Variants in SLC9B1 observed in about 807,000 individuals in gnomAD.
The protein encoded by SLC9B1 is sodium/hydrogen exchanger 9B1.
A neutral mutation model predicts 51.7 loss-of-function variants in SLC9B1; 32 were observed. That is an observed-to-expected ratio of 0.62 (90% CI 0.47 to 0.83). The LOEUF (loss-of-function observed/expected upper bound fraction) is 0.83. SLC9B1 is among the 40% of genes least tolerant of loss of function. The pLI is 0.00. For missense variants in SLC9B1, 406 were observed against 613.2 expected, an observed-to-expected ratio of 0.66 and a Z score of 3.57; for synonymous variants, 145 against 212.7, an observed-to-expected ratio of 0.68 and a Z score of 2.77.
At chr4:102,893,297 A>AAAG (rs1734359155) in intron 11 of SLC9B1, among the ~76,000 whole-genome samples, 1 of 148,214 alleles carries the variant, frequency 6.7e-6, no homozygotes, top group South Asian at 2.1e-4. Flanking sequence ...AAAAAAAAAA[A>AAAG]AAAAAAAAGA....
At chr4:102,962,744 G>A in intron 3 of SLC9B1, 1 of 472,332 alleles carries the variant, frequency 2.1e-6, no homozygotes, top group African/African-American at 2.0e-5. Context: ...GCAGTCACTG[G>A]AGACCACAAA....
intron 3 of SLC9B1, among the ~76,000 whole-genome samples, chr4:102,969,046 T>C (rs1464322876): frequency 6.6e-6 from 1 of 152,192 alleles, no homozygotes; most frequent in African/African-American, 2.4e-5. Context: ...TCGAACTGGG[T>C]GGAGCTCACT....
chr4:102,935,870 T>TGCAA (rs1383236733), intron 6 of SLC9B1, among the ~76,000 whole-genome samples: 1 of 152,200 alleles, frequency 6.6e-6, no homozygotes, highest in Admixed American at 6.5e-5. Context: ...GGCTGACCCA[T>TGCAA]GCAAGTATGC....
At chr4:102,941,440 G>T in intron 6 of SLC9B1, 1 of 454,864 alleles carries the variant, frequency 2.2e-6, no homozygotes. Context: ...AAACTGCAGT[G>T]AGATACAACC....
intron 1 of SLC9B1, among the ~76,000 whole-genome samples, chr4:102,995,297 C>T (rs1383733): frequency 0.54 from 82,655 of 151,966 alleles, 23,008 homozygotes; most frequent in African/African-American, 0.67. Flanking sequence ...ATTTTCAGTA[C>T]TGCAGAAAAT....
At chr4:102,972,001 A>G (rs768882710) in intron 3 of SLC9B1, among the ~76,000 whole-genome samples, 1 of 152,182 alleles carries the variant, frequency 6.6e-6, no homozygotes, top group African/African-American at 2.4e-5. Flanking sequence ...ATAATTAATT[A>G]GCCTACCAAC....
At chr4:102,898,569 G>C (rs1734645683), downstream of SLC9B1, among the ~76,000 whole-genome samples, 1 of 152,190 alleles carries the variant, frequency 6.6e-6, no homozygotes, top group Admixed American at 6.5e-5. Context: ...GTGTGGAATA[G>C]CTCAGAATGT....
chr4:102,932,765 T>C (rs895255177), intron 6 of SLC9B1, among the ~76,000 whole-genome samples: 1 of 152,216 alleles, frequency 6.6e-6, no homozygotes, highest in East Asian at 1.9e-4. Context: ...AAATGGCAGA[T>C]GCTGGGAGCA....
chr4:102,918,782 C>T (rs561091501), intron 7 of SLC9B1, among the ~76,000 whole-genome samples: 2 of 152,340 alleles, frequency 1.3e-5, no homozygotes, highest in African/African-American at 4.8e-5. Flanking sequence ...GGACTTCTCA[C>T]ATTCCAGAAC....
chr4:102,919,267 A>G (rs926878994), intron 7 of SLC9B1, among the ~76,000 whole-genome samples: 23 of 152,174 alleles, frequency 1.5e-4, no homozygotes, highest in African/African-American at 5.5e-4. Context: ...ATCACATCAT[A>G]AGGCTGCAAA....
At chr4:102,917,492 T>G (rs1018929896) in intron 7 of SLC9B1, among the ~76,000 whole-genome samples, 26 of 148,410 alleles carry the variant, frequency 1.8e-4, no homozygotes, top group Non-Finnish European at 3.6e-4. Flanking sequence ...TATATCTATA[T>G]CTCCTATTGG....
chr4:102,990,448 C>T (rs1295330377), intron 2 of SLC9B1, among the ~76,000 whole-genome samples: 3 of 151,918 alleles, frequency 2.0e-5, no homozygotes, highest in Non-Finnish European at 4.4e-5. Context: ...TTAAATAGTG[C>T]AAGGGTATAC....
chr4:102,924,467 T>C (rs547756500), intron 7 of SLC9B1, among the ~76,000 whole-genome samples: 2 of 152,294 alleles, frequency 1.3e-5, no homozygotes, highest in South Asian at 4.1e-4. Context: ...GAAGAATACC[T>C]AGGCAATACC....
At chr4:103,009,781 A>G (rs989102640) in intron 1 of SLC9B1, among the ~76,000 whole-genome samples, 3 of 152,172 alleles carry the variant, frequency 2.0e-5, no homozygotes, top group Admixed American at 6.5e-5. Context: ...CAAACAAAGA[A>G]CTCTTCTTGA....
At chr4:102,999,480 C>G (rs777151836) in intron 1 of SLC9B1, among the ~76,000 whole-genome samples, 1 of 151,940 alleles carries the variant, frequency 6.6e-6, no homozygotes, top group Non-Finnish European at 1.5e-5. Context: ...AATCTGGATC[C>G]CTTTTGAGTC....
chr4:103,007,523 GCATAA>G (rs1469645179), intron 1 of SLC9B1, among the ~76,000 whole-genome samples: 1 of 150,636 alleles, frequency 6.6e-6, no homozygotes, highest in Non-Finnish European at 1.5e-5. Context: ...CACTATAAAT[GCATAA>G]CAGCCTTGAA....
intron 11 of SLC9B1, chr4:102,889,701 G>A (rs1734140230): frequency 6.6e-6 from 1 of 152,076 alleles, no homozygotes. Flanking sequence ...TCCCACCTGT[G>A]CACATTTTTC....
intron 11 of SLC9B1, among the ~76,000 whole-genome samples, chr4:102,885,685 A>T (rs551200725): frequency 3.6e-4 from 55 of 152,356 alleles, no homozygotes; most frequent in African/African-American, 1.3e-3. Context: ...CATGTATTTT[A>T]AAATACACAT....
At chr4:102,885,941 A>C (rs1422711946) in intron 11 of SLC9B1, among the ~76,000 whole-genome samples, 1 of 152,204 alleles carries the variant, frequency 6.6e-6, no homozygotes, top group Non-Finnish European at 1.5e-5. Flanking sequence ...ATGATTTTTA[A>C]TGTGGGAAGG....
Sources: gnomAD v4.1 joint callset for allele counts (sites outside exome capture counted in the v4.1 genomes callset) on GRCh38, gnomAD v4.1.1 for gene constraint, MANE v1.5 for transcripts, NCBI Gene and HGNC (gene_info 2026-07-23, HGNC 2026-07-21) for gene names.